Variants in EMP1 observed in about 807,000 individuals in gnomAD.
The protein encoded by EMP1 is epithelial membrane protein 1, also known as tumor-associated membrane protein.
In EMP1, 5 loss-of-function variants were observed where a neutral mutation model predicts 15.7. The ratio of observed to expected loss-of-function variants is 0.32; its 90% CI spans 0.17 to 0.67. The LOEUF (loss-of-function observed/expected upper bound fraction) is 0.67. EMP1 is among the 30% of genes least tolerant of loss of function. EMP1 has a pLI of 0.74. For missense variants in EMP1, 166 were observed against 194.2 expected, an observed-to-expected ratio of 0.85 and a Z score of 0.86; for synonymous variants, 78 against 76.7, an observed-to-expected ratio of 1.02 and a Z score of -0.09.
rs1042155529 is a variant in EMP1, at chr12:13,214,861, A to C, written c.*170A>C. On this transcript the variant is annotated 3_prime_UTR_variant, in exon 5 of 5. Transcript: ENST00000256951. ...TTACTGAGGGGATTCTCTACTGCCA[A>C]GCCCCTGCCCTGGGGAGAAAGTAGT... The C allele has an allele frequency of 1.7e-6, 1 of 603,486 alleles. No individual in the cohort carries two copies. The highest frequency in any genetic ancestry group is 1.9e-5 in the African/African-American group (1 of 53,952). 37.4% of individuals were successfully genotyped at this position (603,486 alleles called of 1,614,324 possible).
In EMP1 at chr12:13,205,518, C is replaced by T. The variant is rs181015528; in HGVS notation, c.-42-5951C>T. Among the ~76,000 whole-genome samples the T allele has an allele frequency of 2.9e-4, 44 of 152,164 alleles. No individual in the cohort carries two copies. In the East Asian group the frequency reaches 5.6e-3, roughly 19 times the overall value. On this transcript the variant is annotated intron_variant, in intron 1 of 4. Transcript: ENST00000256951. The stretch of plus-strand genomic sequence containing the variant: ...TTAAAAAAAAAAGGAAATATTTTCC[C>T]TCTATAATTCTGTGTTTATTATGAA...
At chr12:13,208,999 T>G (rs191812823) in intron 1 of EMP1, 19 of 152,314 alleles carry the variant, frequency 1.2e-4, no homozygotes, top group African/African-American at 4.6e-4. Context: ...GGAGACAAAA[T>G]GCTGCTGAAT....
intron 1 of EMP1, among the ~76,000 whole-genome samples, chr12:13,197,941 C>T (rs548418583): frequency 7.2e-5 from 11 of 151,754 alleles, no homozygotes; most frequent in African/African-American, 1.5e-4. Context: ...ATGTGGAGGG[C>T]GGGGGAGGCA....
In EMP1 at chr12:13,211,109, T is replaced by C. The variant is rs1216765300; in HGVS notation, c.-42-360T>C. On this transcript the variant is annotated intron_variant, in intron 1 of 4. Transcript: ENST00000256951. This position sits in a 1 kb window ranked among gnomAD's most constrained non-coding sequence, Gnocchi z 4.7. ...GACCTGGAAATTATAAAGGCCTACT[T>C]CTTTGAAAATCAAAGTCCTATTTTT... Among the ~76,000 whole-genome samples the C allele has an allele frequency of 6.6e-6, 1 of 152,250 alleles. No individual in the cohort carries two copies. The highest frequency in any genetic ancestry group is 1.5e-5 in the Non-Finnish European group (1 of 68,044).
intron 1 of EMP1, among the ~76,000 whole-genome samples, chr12:13,205,565 G>A (rs1864104315): frequency 6.6e-6 from 1 of 151,954 alleles, no homozygotes. Context: ...TTTTGACATT[G>A]ATTATTTTTC....
Position 13,211,500 on chromosome 12 carries a change from A to T in EMP1, c.-11A>T. The T allele has an allele frequency of 6.2e-7, 1 of 1,609,502 alleles. No individual in the cohort carries two copies. Among genetic ancestry groups the T allele is most frequent in the Non-Finnish European group, 8.5e-7 (1 of 1,178,714 alleles). On this transcript the variant is annotated 5_prime_UTR_variant, in exon 2 of 5. Coordinates refer to ENST00000256951, the MANE Select transcript of EMP1 (RefSeq NM_001423.3). This position sits in a 1 kb window ranked among gnomAD's most constrained non-coding sequence, Gnocchi z 4.7. ...CTTTGCTCACAAGTTACCAAAAAAA[A>T]AAGAGCCAACATGTTGGTATTGCTG...
Position 13,213,757 on chromosome 12 carries a change from C to T in EMP1, c.252C>T (p.Phe84=). 6.2e-7 allele frequency: 1 copy of T among 1,614,178 alleles called. No homozygotes were observed. The highest frequency in any genetic ancestry group is 8.5e-7 in the Non-Finnish European group (1 of 1,180,046). Residue 84 remains phenylalanine (F), a synonymous_variant, in exon 4 of 5, where the codon TTC becomes TTT. Transcript: ENST00000256951. The part of the protein sequence containing the change: ...FCVIALLVFV[F]QLFTMEKGNR... ...TCATTGCCCTCCTGGTCTTCGTGTT[C>T]CAGCTCTTCACCATGGAGAAGGGAA...
At chr12:13,198,503 G>T (rs1184974286) in intron 1 of EMP1, among the ~76,000 whole-genome samples, 3 of 152,234 alleles carry the variant, frequency 2.0e-5, no homozygotes, top group Non-Finnish European at 4.4e-5. Context: ...CAAGGGGGAC[G>T]ATTGAGTAGG....
chr12:13,205,191 C>T (rs1351397036), intron 1 of EMP1, among the ~76,000 whole-genome samples: 1 of 152,196 alleles, frequency 6.6e-6, no homozygotes, highest in Non-Finnish European at 1.5e-5. Flanking sequence ...AGACCTCCCT[C>T]TTCAGTCCTG....
chr12:13,214,274 A>T, intron 4 of EMP1: 1 of 599,704 alleles, frequency 1.7e-6, no homozygotes, highest in Non-Finnish European at 2.9e-6. Context: ...GCTGGGTGGT[A>T]GGCATGAGGT....
chr12:13,208,800 C>T (rs1336988344), intron 1 of EMP1, among the ~76,000 whole-genome samples: 1 of 152,106 alleles, frequency 6.6e-6, no homozygotes, highest in Non-Finnish European at 1.5e-5. Flanking sequence ...ATTCTCACAT[C>T]CATTCTTCCA....
At chr12:13,208,410 G>A (rs932714656) in intron 1 of EMP1, among the ~76,000 whole-genome samples, 1 of 152,166 alleles carries the variant, frequency 6.6e-6, no homozygotes, top group African/African-American at 2.4e-5. Context: ...GGTTTCCCTG[G>A]GGGCAGGAGG....
At position 13,218,893 on chromosome 12, in the gene EMP1, G is replaced by A. The variant is rs112421497; in HGVS notation, c.*4202G>A. ...TGGAGGATCTGTGGGATGTAGATGA[G>A]GTGGGAGCATGAATGCCTAGGGAGG... On this transcript the variant is annotated 3_prime_UTR_variant, in exon 5 of 5. Transcript: ENST00000256951. 1.4e-4 allele frequency: 21 copies of A among 151,910 alleles called. No homozygotes were observed. The highest frequency in any genetic ancestry group is 5.1e-4 in the African/African-American group (21 of 41,330). 9.4% of individuals were successfully genotyped at this position (151,910 alleles called of 1,614,324 possible). A position where few individuals can be genotyped will look rare whatever the true frequency, so the allele number is the denominator to read the frequency against.
intron 1 of EMP1, among the ~76,000 whole-genome samples, chr12:13,201,386 C>G (rs1864065025): frequency 6.6e-6 from 1 of 151,646 alleles, no homozygotes; most frequent in African/African-American, 2.4e-5. Flanking sequence ...CCAGCCTGAG[C>G]AATGAAACAA....
rs774431121 is a variant in EMP1 at position 13,214,662 on chromosome 12, G to T, written c.445G>T (p.Val149Phe). 6.2e-7 allele frequency: 1 copy of T among 1,613,214 alleles called. No homozygotes were observed. The highest frequency in any genetic ancestry group is 1.7e-5 in the Admixed American group (1 of 59,912). The change falls in exon 5 of 5, where the codon GTT (valine) becomes TTT (phenylalanine). Residue 149 changes from valine (V) to phenylalanine (F), a missense_variant. Physicochemically the swap from Val to Phe is conservative, Grantham distance 50. Coordinates refer to ENST00000256951, the MANE Select transcript of EMP1 (RefSeq NM_001423.3). ...ICFCFSFIIG[V>F]LYLVLRKK ...CTTCTGCTTCAGCTTCATCATCGGCGTTCTCTATCTGGTCCTGAGAAAGAA... is the reference window on the plus strand; with the variant it reads ...CTTCTGCTTCAGCTTCATCATCGGCTTTCTCTATCTGGTCCTGAGAAAGAA...
rs1352432515 is a variant in EMP1, at chr12:13,211,374, C to T, written c.-42-95C>T. ...TGTGATGGTTTTTAGTGCAGCTCTT[C>T]CTCATGTTAGCAGATAGCCCACACG... On this transcript the variant is annotated intron_variant, in intron 1 of 4. Transcript: ENST00000256951. The surrounding 1 kb of genome is among the most constrained non-coding windows in gnomAD (Gnocchi z 4.7). The T allele has an allele frequency of 2.5e-6, 2 of 806,866 alleles. No homozygotes were observed. Among genetic ancestry groups the T allele is most frequent in the African/African-American group, 1.7e-5 (1 of 57,534 alleles). The allele number at this position is 806,866 out of a possible 1,614,324, so 50.0% of individuals were successfully genotyped here. A position where few individuals can be genotyped will look rare whatever the true frequency, so the allele number is the denominator to read the frequency against.
intron 4 of EMP1, chr12:13,214,217 T>C: frequency 1.7e-6 from 1 of 596,152 alleles, no homozygotes; most frequent in Non-Finnish European, 3.0e-6. Flanking sequence ...CATGCTCTTT[T>C]GCATCCCTGA....
rs142705227 is a variant in EMP1, at chr12:13,208,034, G to A, written c.-42-3435G>A. On this transcript the variant is annotated intron_variant, in intron 1 of 4. Coordinates refer to ENST00000256951, the MANE Select transcript of EMP1 (RefSeq NM_001423.3). ...TTTGCGCTGCCTCACTAGGACTAGGGGTATGCTTTCCACTGGAGAGTGCCA... is the reference window on the plus strand; with the variant it reads ...TTTGCGCTGCCTCACTAGGACTAGGAGTATGCTTTCCACTGGAGAGTGCCA... Among the ~76,000 whole-genome samples the A allele has an allele frequency of 2.8e-3, 432 of 152,266 alleles. 4 individuals carry two copies. The highest frequency in any genetic ancestry group is 9.6e-3 in the African/African-American group (397 of 41,534).
Position 13,208,912 on chromosome 12 carries a change from G to A in EMP1, c.-42-2557G>A, listed in dbSNP as rs1003468141. Among the ~76,000 whole-genome samples the A allele has an allele frequency of 2.6e-5, 4 of 152,194 alleles. No homozygotes were observed. The East Asian group carries it at 7.7e-4, about 29-fold the overall frequency. On this transcript the variant is annotated intron_variant, in intron 1 of 4. Coordinates refer to ENST00000256951, the MANE Select transcript of EMP1 (RefSeq NM_001423.3). ...ATGGGCCCAGGTAGAGGTGCCGTGGGAGGGGTCATTGAGACAGAGAGTGTG... is the reference window on the plus strand; with the variant it reads ...ATGGGCCCAGGTAGAGGTGCCGTGGAAGGGGTCATTGAGACAGAGAGTGTG...
Sources: allele counts gnomAD v4.1 joint callset (sites outside exome capture counted in the v4.1 genomes callset), GRCh38; gene constraint gnomAD v4.1.1; non-coding constraint Gnocchi (gnomAD v3.1); transcripts MANE v1.5; gene names NCBI Gene and HGNC (gene_info 2026-07-23, HGNC 2026-07-21).